Variants in PCDH9 observed in about 807,000 individuals in gnomAD.
PCDH9 encodes the protein protocadherin-9.
In PCDH9, 24 loss-of-function variants were observed where a neutral mutation model predicts 70.6. The observed-to-expected ratio is 0.34, with a 90% CI of 0.25 to 0.48. The LOEUF (loss-of-function observed/expected upper bound fraction) is 0.48, where lower values mean the gene tolerates loss of function less well. PCDH9 is among the 20% of genes least tolerant of loss of function. The pLI, the probability that PCDH9 is intolerant of heterozygous loss-of-function variation, is 0.99. For synonymous variants in PCDH9, 562 were observed against 558.5 expected (o/e 1.01, Z -0.09); for missense variants, 1,281 against 1,503.6 (o/e 0.85, Z 2.45).
chr13:66,784,850 C>T (rs566761465), intron 3 of PCDH9, among the ~76,000 whole-genome samples: 22 of 151,978 alleles, frequency 1.4e-4, no homozygotes, highest in Non-Finnish European at 2.8e-4. Flanking sequence ...ATTGCTATTT[C>T]CAAAAGAGAA....
chr13:66,510,501 C>CT (rs1200433470), intron 4 of PCDH9, among the ~76,000 whole-genome samples: 1 of 152,100 alleles, frequency 6.6e-6, no homozygotes, highest in Admixed American at 6.6e-5. Flanking sequence ...CTAATGCTAT[C>CT]TGTCCCTCCT....
chr13:67,148,171 G>T (rs539051273), intron 2 of PCDH9, among the ~76,000 whole-genome samples: 1 of 150,132 alleles, frequency 6.7e-6, no homozygotes, highest in South Asian at 2.1e-4. Context: ...ATTTATAAGC[G>T]TATCTAAGAT....
At chr13:66,973,915 A>G (rs1163287329) in intron 2 of PCDH9, among the ~76,000 whole-genome samples, 1 of 152,008 alleles carries the variant, frequency 6.6e-6, no homozygotes, top group African/African-American at 2.4e-5. Context: ...AAACACATCT[A>G]CACTTGCTGA....
intron 2 of PCDH9, among the ~76,000 whole-genome samples, chr13:67,033,816 T>C (rs139177874): frequency 1.3e-5 from 2 of 152,254 alleles, no homozygotes; most frequent in South Asian, 2.1e-4. Context: ...AGAAGCAAGA[T>C]AGTCAACATT....
chr13:66,443,207 A>G (rs796402160), intron 4 of PCDH9, among the ~76,000 whole-genome samples: 6 of 152,208 alleles, frequency 3.9e-5, no homozygotes, highest in African/African-American at 1.4e-4. Context: ...CATAGCCACA[A>G]ACTCAATGAA....
chr13:66,453,553 C>G (rs2138433722), intron 4 of PCDH9, among the ~76,000 whole-genome samples: 1 of 152,142 alleles, frequency 6.6e-6, no homozygotes, highest in East Asian at 1.9e-4. Flanking sequence ...AATGAATAAC[C>G]TTTAACTGTG....
At chr13:66,686,442 C>G (rs1446230533) in intron 3 of PCDH9, among the ~76,000 whole-genome samples, 1 of 152,174 alleles carries the variant, frequency 6.6e-6, no homozygotes, top group Non-Finnish European at 1.5e-5. Context: ...ATCACCCAGT[C>G]TTGGACAATT....
At chr13:66,581,872 T>G (rs2076896738) in intron 4 of PCDH9, among the ~76,000 whole-genome samples, 1 of 152,284 alleles carries the variant, frequency 6.6e-6, no homozygotes, top group East Asian at 1.9e-4. Context: ...AGTCATCCTA[T>G]TTAGATCTTG....
chr13:66,589,522 G>GC (rs2077011682), intron 4 of PCDH9, among the ~76,000 whole-genome samples: 1 of 152,012 alleles, frequency 6.6e-6, no homozygotes, highest in Non-Finnish European at 1.5e-5. Flanking sequence ...AAAGTATAGA[G>GC]CGGAATCTCA....
At chr13:67,092,939 A>G (rs1311578388) in intron 2 of PCDH9, among the ~76,000 whole-genome samples, 3 of 151,730 alleles carry the variant, frequency 2.0e-5, no homozygotes, top group Non-Finnish European at 4.4e-5. Context: ...GTAGACCACT[A>G]GGCCACAATG....
At chr13:66,756,267 T>A (rs2139237655) in intron 3 of PCDH9, among the ~76,000 whole-genome samples, 1 of 152,304 alleles carries the variant, frequency 6.6e-6, no homozygotes, top group Admixed American at 6.5e-5. Context: ...AATTCCAGCA[T>A]ATCAGTACAA....
chr13:66,559,831 TATAC>T (rs1463986333), intron 4 of PCDH9, among the ~76,000 whole-genome samples: 1 of 112,624 alleles, frequency 8.9e-6, no homozygotes, highest in African/African-American at 3.6e-5. Flanking sequence ...TATATATATA[TATAC>T]ACACACACAC....
intron 4 of PCDH9, among the ~76,000 whole-genome samples, chr13:66,408,119 C>T (rs560178714): frequency 6.9e-6 from 1 of 144,266 alleles, no homozygotes; most frequent in Non-Finnish European, 1.5e-5. Flanking sequence ...ACTGCAGTGG[C>T]GCAATCTCGG....
At position 67,228,360 on chromosome 13, in the gene PCDH9, A is replaced by C; in HGVS notation, c.81T>G (p.Ile27Met). Residue 27 changes from isoleucine (I) to methionine (M), a missense_variant, in exon 2 of 5, where the codon ATT becomes ATG. Ile to Met is a conservative substitution (Grantham distance 10, BLOSUM62 1). This residue lies in a region of PCDH9 where 798 missense variants were observed against 1,003.1 expected (regional missense o/e 0.80). Transcript: ENST00000377865. ...CAGGCAATTCCTCTCTAATAGTGTA[A>C]ATAAGTTCTTGAGCTATTGCGGAAT... ...RLDSAIAQEL[I>M]YTIREELPEN... The C allele has an allele frequency of 1.9e-6, 3 of 1,613,832 alleles. No individual in the cohort carries two copies. The highest frequency in any genetic ancestry group is 2.5e-6 in the Non-Finnish European group (3 of 1,179,906).
intron 3 of PCDH9, among the ~76,000 whole-genome samples, chr13:66,900,461 G>T (rs1437157547): frequency 6.6e-6 from 1 of 151,818 alleles, no homozygotes; most frequent in Non-Finnish European, 1.5e-5. Flanking sequence ...TACCCTAGCA[G>T]TACATAAAAT....
chr13:67,205,894 G>A (rs920911790), intron 2 of PCDH9: 3 of 152,172 alleles, frequency 2.0e-5, no homozygotes, highest in Non-Finnish European at 2.9e-5. Flanking sequence ...TCAGGTTTAA[G>A]GGGAATCTTG....
At chr13:66,812,067 C>T (rs998683763) in intron 3 of PCDH9, among the ~76,000 whole-genome samples, 1 of 151,688 alleles carries the variant, frequency 6.6e-6, no homozygotes, top group African/African-American at 2.4e-5. Flanking sequence ...TATACCTCAC[C>T]CCCTTCCCAC....
intron 2 of PCDH9, among the ~76,000 whole-genome samples, chr13:67,014,514 T>C (rs1013154647): frequency 2.0e-5 from 3 of 152,144 alleles, no homozygotes; most frequent in Admixed American, 6.6e-5. Flanking sequence ...GCTTTTATGT[T>C]AGTTCTACCA....
chr13:66,499,328 A>C (rs536889180), intron 4 of PCDH9, among the ~76,000 whole-genome samples: 2 of 152,290 alleles, frequency 1.3e-5, no homozygotes, highest in South Asian at 4.1e-4. Context: ...TATAACAAAT[A>C]AATTTCTAAG....
Sources: gnomAD v4.1 joint callset for allele counts (sites outside exome capture counted in the v4.1 genomes callset) on GRCh38, gnomAD v4.1.1 for gene constraint, gnomAD v4.1.1 regional missense constraint, MANE v1.5 for transcripts, NCBI Gene and HGNC (gene_info 2026-07-23, HGNC 2026-07-21) for gene names.